The following SEC14L5 variants were observed in gnomAD, a reference collection of about 807,000 sequenced individuals.
SEC14L5 encodes SEC14-like protein 5.
Under a neutral mutation model 84.6 loss-of-function variants are expected in SEC14L5, and 96 were observed. The ratio of observed to expected loss-of-function variants is 1.13; its 90% confidence interval spans 0.96 to 1.34. SEC14L5 has a LOEUF of 1.34. Among genes scored for constraint, SEC14L5 ranks in the 40% most tolerant of loss-of-function variants. SEC14L5 has a pLI of 0.00. For synonymous variants in SEC14L5, 546 were observed against 383.4 expected (o/e 1.42, Z -4.95); for missense variants, 1,224 against 942.5 (o/e 1.30, Z -3.91).
chr16:4,989,442 T>C (rs1182588818), intron 4 of SEC14L5, among the ~76,000 whole-genome samples: 3 of 152,050 alleles, frequency 2.0e-5, no homozygotes, highest in Admixed American at 2.0e-4. Flanking sequence ...AAGGATTCTC[T>C]TGCCTCAGAT....
chr16:4,970,254 C>A (rs911825373), intron 2 of SEC14L5, among the ~76,000 whole-genome samples: 3 of 152,162 alleles, frequency 2.0e-5, no homozygotes, highest in Admixed American at 6.6e-5. Context: ...GAAGGACCCA[C>A]TGGAGGCCAT....
chr16:5,001,080 C>T (rs147224360), intron 10 of SEC14L5, among the ~76,000 whole-genome samples, 155 bp downstream of exon 10: 91 of 152,118 alleles, frequency 6.0e-4, no homozygotes, highest in African/African-American at 1.8e-3. Flanking sequence ...AGGCAGGGCC[C>T]GTAAGCATCC....
chr16:4,970,412 A>C (rs1434892821), intron 2 of SEC14L5, among the ~76,000 whole-genome samples: 1 of 152,228 alleles, frequency 6.6e-6, no homozygotes, highest in Non-Finnish European at 1.5e-5. Flanking sequence ...ATGGGACCCC[A>C]GTGCAAGTTA....
chr16:4,981,623 A>G lies in SEC14L5; in HGVS notation c.64-5934A>G, dbSNP rs60538450. On this transcript the variant is annotated intron_variant, in intron 2 of 15. Transcript: ENST00000251170. ...GCCTGGCTCTGTTTCTGAGCTGCCCATGACAACAAGCCCAGCTGCTGAGCA... is the reference window on the plus strand; with the variant it reads ...GCCTGGCTCTGTTTCTGAGCTGCCCGTGACAACAAGCCCAGCTGCTGAGCA... 9.6e-3 allele frequency among the ~76,000 whole-genome samples: 1,465 copies of G among 152,226 alleles called. 33 individuals are homozygous for G. The highest frequency in any genetic ancestry group is 0.034 in the African/African-American group (1,394 of 41,548).
chr16:5,001,002 T>C (rs1955670829), intron 10 of SEC14L5, 77 bp downstream of exon 10: 3 of 1,173,090 alleles, frequency 2.6e-6, no homozygotes, highest in Non-Finnish European at 3.7e-6. Context: ...TGTGCATATG[T>C]GCTGGGCTGG....
chr16:4,960,684 T>C (rs1568096731), intron 2 of SEC14L5: 1 of 152,200 alleles, frequency 6.6e-6, no homozygotes, highest in African/African-American at 2.4e-5. Flanking sequence ...TTCACCTCCA[T>C]GAGCCTCCAC....
chr16:4,973,036 G>A (rs567243164), intron 2 of SEC14L5, among the ~76,000 whole-genome samples: 2 of 152,346 alleles, frequency 1.3e-5, no homozygotes, highest in East Asian at 3.9e-4. Context: ...TCAGGGGCTG[G>A]TGATGCTACT....
At chr16:5,004,325 C>G (rs538104474) in intron 11 of SEC14L5, among the ~76,000 whole-genome samples, 3 of 152,092 alleles carry the variant, frequency 2.0e-5, no homozygotes, top group African/African-American at 7.2e-5. Context: ...GCTTTTTATC[C>G]TGAATTGTCC....
rs185533899 is a variant in SEC14L5, at chr16:4,970,488, G to T, written c.63+11102G>T. On this transcript the variant is annotated intron_variant, in intron 2 of 15. Transcript: ENST00000251170. Reference sequence around the variant, plus strand: ...ACGTTGGAGGTCTGGAGGCATTCCTGAGACACTTGGAAAATTTAAAATAGT... The same window carrying T: ...ACGTTGGAGGTCTGGAGGCATTCCTTAGACACTTGGAAAATTTAAAATAGT... Among the ~76,000 whole-genome samples, 51 of 152,280 alleles carry T rather than the reference G, an allele frequency of 3.3e-4. 1 individual carries two copies. In the East Asian group the frequency reaches 3.5e-3, roughly 10 times the overall value.
chr16:4,991,922 C>A lies in SEC14L5; in HGVS notation c.559C>A (p.Arg187Ser), dbSNP rs751387283. ...TCCGCGCTGGACGCCTGCCCCAGTC[C>A]GTGAGGAGGATGCCCGCAACCAGGC... ...HIPRWTPAPVREEDARNQAGP... is the reference protein window; with the variant it reads ...HIPRWTPAPVSEEDARNQAGP... The change falls in exon 6 of 16, where the codon CGT (arginine) becomes AGT (serine). Residue 187 changes from arginine to serine, a missense_variant. Arg to Ser is a moderately radical substitution (Grantham distance 110, BLOSUM62 -1). Transcript: ENST00000251170. 1 of 1,606,538 alleles carries A rather than the reference C, an allele frequency of 6.2e-7. No homozygotes were observed. The highest frequency in any genetic ancestry group is 8.5e-7 in the Non-Finnish European group (1 of 1,178,478).
intron 14 of SEC14L5, among the ~76,000 whole-genome samples, chr16:5,010,713 A>C (rs887522588): frequency 1.3e-5 from 2 of 152,028 alleles, no homozygotes; most frequent in Non-Finnish European, 2.9e-5. Context: ...TCCCTCCACA[A>C]ATTCTCTCTA....
chr16:4,977,187 C>T (rs1486923043), intron 2 of SEC14L5, among the ~76,000 whole-genome samples: 1 of 152,000 alleles, frequency 6.6e-6, no homozygotes, highest in African/African-American at 2.4e-5. Flanking sequence ...TGGCTCACGC[C>T]TGTAATCCCA....
intron 2 of SEC14L5, among the ~76,000 whole-genome samples, chr16:4,984,134 C>T (rs1029628290): frequency 6.6e-6 from 1 of 152,132 alleles, no homozygotes; most frequent in African/African-American, 2.4e-5. Context: ...AGTCTCATTA[C>T]CTCGAAAAGA....
intron 4 of SEC14L5, among the ~76,000 whole-genome samples, chr16:4,989,034 C>A (rs1955524993): frequency 6.6e-6 from 1 of 152,206 alleles, no homozygotes; most frequent in African/African-American, 2.4e-5. Flanking sequence ...TCATGGAGGA[C>A]TGGGAACAGC....
chr16:4,965,627 C>T (rs1053686296), intron 2 of SEC14L5, among the ~76,000 whole-genome samples: 24 of 129,432 alleles, frequency 1.9e-4, no homozygotes, highest in African/African-American at 6.9e-4. Context: ...CACCACTGCA[C>T]TCCAGCCTGG....
At chr16:4,973,680 C>CTTTTTTTT (rs34324146) in intron 2 of SEC14L5, among the ~76,000 whole-genome samples, 2 of 127,106 alleles carry the variant, frequency 1.6e-5, no homozygotes, top group Non-Finnish European at 3.3e-5. Context: ...TTCTCTGTCT[C>CTTTTTTTT]TTTTTTTTTT....
chr16:4,981,629 A>G (rs1955424968), intron 2 of SEC14L5, among the ~76,000 whole-genome samples: 1 of 152,048 alleles, frequency 6.6e-6, no homozygotes, highest in African/African-American at 2.4e-5. Flanking sequence ...GCCCATGACA[A>G]CAAGCCCAGC....
At chr16:4,971,185 G>A (rs868362206) in intron 2 of SEC14L5, among the ~76,000 whole-genome samples, 21 of 152,140 alleles carry the variant, frequency 1.4e-4, no homozygotes, top group African/African-American at 4.1e-4. Flanking sequence ...GGCCAGGGGC[G>A]GTGGCTTACG....
chr16:4,988,388 C>G, intron 4 of SEC14L5, 108 bp downstream of exon 4: 3 of 1,367,210 alleles, frequency 2.2e-6, no homozygotes, highest in Admixed American at 4.3e-5. Context: ...GCCAAGCCCT[C>G]CCTCCTGGGG....
Sources: gnomAD v4.1 joint callset for allele counts (sites outside exome capture counted in the v4.1 genomes callset) on GRCh38, gnomAD v4.1.1 for gene constraint, MANE v1.5 for transcripts, NCBI Gene and HGNC (gene_info 2026-07-23, HGNC 2026-07-21) for gene names.